The following SEMA6D variants were observed in gnomAD, a reference collection of about 807,000 sequenced individuals.
SEMA6D encodes the protein semaphorin 6D.
SEMA6D carries 35 observed loss-of-function variants against 106.6 expected under a neutral mutation model. That is an observed-to-expected ratio of 0.33 (90% CI 0.25 to 0.44). The LOEUF (loss-of-function observed/expected upper bound fraction) is 0.44. Ranked by LOEUF, SEMA6D falls within the 20% of genes least tolerant of loss-of-function variation. The pLI, the probability that SEMA6D is intolerant of heterozygous loss-of-function variation, is 1.00. For missense variants in SEMA6D, 1,185 were observed against 1,345.9 expected (o/e 0.88, Z 1.87); for synonymous variants, 499 against 487.7 (o/e 1.02, Z -0.31).
At position 47,771,430 on chromosome 15, in the gene SEMA6D, C is replaced by G. The variant is rs775605823; in HGVS notation, c.2867C>G (p.Thr956Ser). The G allele has an allele frequency of 1.9e-6, 3 of 1,614,094 alleles. No individual in the cohort carries two copies. The African/African-American group carries it at 4.0e-5, about 22-fold the overall frequency. ...CCCACCACTCCTGGAGTCCCAATGACTTCTCTGGAAAGACAAAGAGGTTAT... is the reference window on the plus strand; with the variant it reads ...CCCACCACTCCTGGAGTCCCAATGAGTTCTCTGGAAAGACAAAGAGGTTAT... Reference protein sequence around the residue: ...DVPTTPGVPMTSLERQRGYHK... With the variant: ...DVPTTPGVPMSSLERQRGYHK... Residue 956 changes from threonine to serine, a missense_variant, in exon 19 of 19, where the codon ACT (threonine) becomes AGT (serine). By Grantham distance (58) the Thr-to-Ser change is moderately conservative. Around this residue, in one of 3 missense-constraint regions of SEMA6D, gnomAD observed 750 missense variants for 783.5 expected, o/e 0.96. Transcript: ENST00000536845.
intron 3 of SEMA6D, among the ~76,000 whole-genome samples, chr15:47,492,482 G>T (rs8033833): frequency 6.6e-6 from 1 of 151,922 alleles, no homozygotes; most frequent in Non-Finnish European, 1.5e-5. Context: ...TTGATCTTTA[G>T]CCAGGACCTT....
intron 2 of SEMA6D, among the ~76,000 whole-genome samples, chr15:47,434,216 A>G (rs1271860396): frequency 6.6e-6 from 1 of 152,144 alleles, no homozygotes; most frequent in Middle Eastern, 3.2e-3. Context: ...GAGAAAGGGA[A>G]GAACAAGGTA....
At chr15:47,749,601 G>A (rs1019590443) in intron 1 of SEMA6D, among the ~76,000 whole-genome samples, 8 of 152,172 alleles carry the variant, frequency 5.3e-5, no homozygotes, top group Non-Finnish European at 7.3e-5. Flanking sequence ...CCTATGCTCC[G>A]CAGGAAATTC....
chr15:47,510,373 A>G (rs2044187184), intron 3 of SEMA6D, among the ~76,000 whole-genome samples: 2 of 152,284 alleles, frequency 1.3e-5, no homozygotes, highest in East Asian at 1.9e-4. Context: ...ATTGTCTTCT[A>G]TGGAACTAGT....
At chr15:47,763,505 G>T (rs532102064) in intron 9 of SEMA6D, among the ~76,000 whole-genome samples, 5 of 152,284 alleles carry the variant, frequency 3.3e-5, no homozygotes, top group African/African-American at 1.2e-4. Flanking sequence ...TGATTTTAAA[G>T]TATTGCAACC....
chr15:47,387,555 T>C (rs2145751946), intron 1 of SEMA6D, among the ~76,000 whole-genome samples: 1 of 152,358 alleles, frequency 6.6e-6, no homozygotes, highest in Non-Finnish European at 1.5e-5. Context: ...GTTCCACACC[T>C]AGTCTAAAGG....
At chr15:47,301,617 T>G (rs1360989852) in intron 1 of SEMA6D, among the ~76,000 whole-genome samples, 3 of 152,256 alleles carry the variant, frequency 2.0e-5, no homozygotes, top group South Asian at 2.1e-4. Flanking sequence ...ATTGCTGCCT[T>G]TAGCAGGAAG....
chr15:47,317,185 T>C lies in SEMA6D; in HGVS notation c.-238-95208T>C, dbSNP rs1251202478. Among the ~76,000 whole-genome samples, 8 of 152,196 alleles carry C rather than the reference T, an allele frequency of 5.3e-5. No individual in the cohort carries two copies. The East Asian group carries it at 1.5e-3, about 29-fold the overall frequency. On this transcript the variant is annotated intron_variant, in intron 1 of 19. Coordinates refer to the SEMA6D transcript ENST00000558014. ...CCCATTTTATCTAAGTTACCAAATT[T>C]GTGGGCATGAAGTTGTTCATAGTAT...
At chr15:47,316,340 C>T (rs2036676751) in intron 1 of SEMA6D, among the ~76,000 whole-genome samples, 2 of 151,848 alleles carry the variant, frequency 1.3e-5, no homozygotes, top group African/African-American at 4.8e-5. Context: ...GATCCACCTG[C>T]CTCGGCCTCC....
intron 1 of SEMA6D, among the ~76,000 whole-genome samples, chr15:47,722,684 T>C (rs1409945915): frequency 6.6e-6 from 1 of 152,162 alleles, no homozygotes; most frequent in Non-Finnish European, 1.5e-5. Flanking sequence ...GCATGTAGTC[T>C]TTCTTCTCTC....
chr15:47,707,135 G>A (rs2078927423), intron 4 of SEMA6D, among the ~76,000 whole-genome samples: 1 of 152,222 alleles, frequency 6.6e-6, no homozygotes, highest in African/African-American at 2.4e-5. Flanking sequence ...TCTCTTTTAT[G>A]TTTCATGTTA....
At chr15:47,394,336 G>A (rs1304568304) in intron 1 of SEMA6D, among the ~76,000 whole-genome samples, 1 of 152,154 alleles carries the variant, frequency 6.6e-6, no homozygotes, top group Non-Finnish European at 1.5e-5. Flanking sequence ...GAAAAGAGCT[G>A]GGGACATTCA....
chr15:47,412,569 T>C (rs2040833306), intron 2 of SEMA6D: 1 of 152,338 alleles, frequency 6.6e-6, no homozygotes, highest in South Asian at 2.1e-4. Flanking sequence ...GGTATATCTT[T>C]TTTGATCAGT....
intron 1 of SEMA6D, among the ~76,000 whole-genome samples, chr15:47,315,352 A>G (rs75845373): frequency 0.022 from 3,395 of 152,262 alleles, 83 homozygotes; most frequent in South Asian, 0.11. Context: ...TGAACAGACT[A>G]TCTTTGCTCC....
At chr15:47,227,857 T>TTATATATTTTATATATATAAGATTCTTA (rs2031848287) in intron 1 of SEMA6D, among the ~76,000 whole-genome samples, 1 of 107,484 alleles carries the variant, frequency 9.3e-6, no homozygotes, top group Non-Finnish European at 2.0e-5. Context: ...AGTCCATACA[T>TTATATATTTTATATATATAAGATTCTTA]TATATATTTT....
chr15:47,348,673 T>TCACACACACA (rs71118173), intron 1 of SEMA6D, among the ~76,000 whole-genome samples: 1 of 105,000 alleles, frequency 9.5e-6, no homozygotes, highest in Non-Finnish European at 1.8e-5. Flanking sequence ...CAAGAGTACA[T>TCACACACACA]CACACACACA....
At chr15:47,679,665 A>G (rs899999409) in intron 4 of SEMA6D, among the ~76,000 whole-genome samples, 1 of 152,036 alleles carries the variant, frequency 6.6e-6, no homozygotes, top group East Asian at 1.9e-4. Context: ...TGTGTATTTT[A>G]TTTTTTAACT....
At chr15:47,725,628 G>T (rs993975593) in intron 1 of SEMA6D, among the ~76,000 whole-genome samples, 3 of 151,852 alleles carry the variant, frequency 2.0e-5, no homozygotes, top group East Asian at 3.9e-4. Flanking sequence ...GAGTTCCCAA[G>T]CCATCATTAA....
intron 1 of SEMA6D, among the ~76,000 whole-genome samples, chr15:47,184,914 G>C (rs1893446802): frequency 6.6e-6 from 1 of 152,256 alleles, no homozygotes; most frequent in African/African-American, 2.4e-5. Context: ...CTAATTGGTG[G>C]GTGCTGGGAG....
Sources: gnomAD v4.1 joint callset for allele counts (sites outside exome capture counted in the v4.1 genomes callset) on GRCh38, gnomAD v4.1.1 for gene constraint, gnomAD v4.1.1 regional missense constraint, MANE v1.5 for transcripts, NCBI Gene and HGNC (gene_info 2026-07-23, HGNC 2026-07-21) for gene names.